Variants in OTUD7A observed in about 807,000 individuals in gnomAD.
OTUD7A encodes the protein OTU domain-containing protein 7A.
Under a neutral mutation model 65.7 loss-of-function variants are expected in OTUD7A, and 12 were observed. The observed-to-expected ratio is 0.18, with a 90% CI of 0.12 to 0.30. OTUD7A has a LOEUF of 0.30. Ranked by LOEUF, OTUD7A falls within the 10% of genes least tolerant of loss-of-function variation. The pLI is 1.00. For missense variants in OTUD7A, 1,148 were observed against 1,304.8 expected, an observed-to-expected ratio of 0.88 and a Z score of 1.85; for synonymous variants, 641 against 586.3, an observed-to-expected ratio of 1.09 and a Z score of -1.35.
chr15:31,795,819 T>C (rs980843048), intron 1 of OTUD7A, among the ~76,000 whole-genome samples: 11 of 152,144 alleles, frequency 7.2e-5, no homozygotes, highest in Admixed American at 3.3e-4. Context: ...TTCCTCTTTG[T>C]AAAGTGAGGA....
At chr15:31,724,899 G>A (rs1193101563) in intron 1 of OTUD7A, among the ~76,000 whole-genome samples, 2 of 152,092 alleles carry the variant, frequency 1.3e-5, no homozygotes, top group Non-Finnish European at 2.9e-5. Flanking sequence ...GCAGGGGTGG[G>A]GGGCACGAAA....
intron 1 of OTUD7A, among the ~76,000 whole-genome samples, chr15:31,744,845 C>T (rs555064640): frequency 1.8e-4 from 27 of 151,784 alleles, no homozygotes; most frequent in Admixed American, 5.2e-4. Flanking sequence ...GGTCAATATG[C>T]CAAAAACATC....
intron 1 of OTUD7A, among the ~76,000 whole-genome samples, chr15:31,830,757 G>A (rs1235305776): frequency 3.3e-5 from 5 of 152,212 alleles, no homozygotes; most frequent in Admixed American, 1.3e-4. Flanking sequence ...CTATGTGTAT[G>A]CTGTGCCTGA....
chr15:31,760,353 A>G (rs926903275), intron 1 of OTUD7A, among the ~76,000 whole-genome samples: 2 of 152,174 alleles, frequency 1.3e-5, no homozygotes, highest in African/African-American at 4.8e-5. Flanking sequence ...TTAAAAATCA[A>G]CTTCATATCT....
rs181970211 is a variant in OTUD7A, at chr15:31,801,020, C to T, written c.-100+69487G>A. Among the ~76,000 whole-genome samples, 706 of 146,658 alleles carry T rather than the reference C, an allele frequency of 4.8e-3. 6 individuals are homozygous for T. The highest frequency in any genetic ancestry group is 0.01 in the Middle Eastern group (3 of 288). ...AACAACAACCTACAGAAAATACACACGCAGCTTAATGTAGAGCATTATCCA... is the reference window on the plus strand; with the variant it reads ...AACAACAACCTACAGAAAATACACATGCAGCTTAATGTAGAGCATTATCCA... On this transcript the variant is annotated intron_variant, in intron 1 of 12. Transcript: ENST00000307050.
chr15:31,705,232 C>CA (rs1465757474), intron 1 of OTUD7A, among the ~76,000 whole-genome samples: 3 of 123,880 alleles, frequency 2.4e-5, no homozygotes, highest in African/African-American at 9.1e-5. Context: ...TTGCACTGGC[C>CA]AAGAAATGAA....
At chr15:31,756,229 T>C (rs952386046) in intron 1 of OTUD7A, among the ~76,000 whole-genome samples, 1 of 152,258 alleles carries the variant, frequency 6.6e-6, no homozygotes, top group African/African-American at 2.4e-5. Context: ...TTTTACAGTG[T>C]ATCTTTCTTT....
chr15:31,640,196 A>G lies in OTUD7A; in HGVS notation c.151+14900T>C, dbSNP rs561929519. ...TCAGGAATGGAAAACCAAACATCGT[A>G]TGTTCTGACTTATAAGTGGCAGCTA... On this transcript the variant is annotated intron_variant, in intron 3 of 12. Coordinates refer to ENST00000307050, the MANE Select transcript of OTUD7A (RefSeq NM_001382637.1). 2.6e-5 allele frequency among the ~76,000 whole-genome samples: 4 copies of G among 152,278 alleles called. No individual in the cohort carries two copies. The South Asian group carries it at 8.3e-4, about 32-fold the overall frequency.
At chr15:31,678,801 GC>G (rs756151916) in intron 1 of OTUD7A, among the ~76,000 whole-genome samples, 13 of 152,232 alleles carry the variant, frequency 8.5e-5, no homozygotes, top group Non-Finnish European at 1.8e-4. Flanking sequence ...TGGGGTCACA[GC>G]CCCCACACAA....
rs925674482 is a variant in OTUD7A at position 31,479,127 on chromosome 15, G to A, written c.*4167C>T. ...GAGAGCCACCACTTTAAGGCGTTTTGGAAGGGGCCACCTGCTCCCTGGCAT... is the reference window on the plus strand; with the variant it reads ...GAGAGCCACCACTTTAAGGCGTTTTAGAAGGGGCCACCTGCTCCCTGGCAT... On this transcript the variant is annotated 3_prime_UTR_variant, in exon 13 of 13. Coordinates refer to ENST00000307050, the MANE Select transcript of OTUD7A (RefSeq NM_001382637.1). 6.6e-6 allele frequency: 1 copy of A among 152,214 alleles called. No homozygotes were observed. Among genetic ancestry groups the A allele is most frequent in the African/African-American group, 2.4e-5 (1 of 41,434 alleles). The allele number at this position is 152,214 out of a possible 1,614,324, so 9.4% of individuals were successfully genotyped here.
intron 1 of OTUD7A, among the ~76,000 whole-genome samples, chr15:31,700,419 C>A (rs1893187895): frequency 6.6e-6 from 1 of 151,940 alleles, no homozygotes; most frequent in Non-Finnish European, 1.5e-5. Context: ...ACCAAACCTG[C>A]CTTCCTTGCA....
intron 1 of OTUD7A, among the ~76,000 whole-genome samples, chr15:31,865,903 T>C (rs1897864127): frequency 2.0e-5 from 3 of 152,222 alleles, no homozygotes; most frequent in Admixed American, 2.0e-4. Flanking sequence ...TAAAAGTCAA[T>C]ACTGCATCTT....
chr15:31,755,979 C>T (rs943840818), intron 1 of OTUD7A, among the ~76,000 whole-genome samples: 3 of 152,260 alleles, frequency 2.0e-5, no homozygotes, highest in South Asian at 2.1e-4. Context: ...TCTGCAAAGG[C>T]GTATCATGAG....
intron 5 of OTUD7A, among the ~76,000 whole-genome samples, chr15:31,539,093 G>A (rs1226470980): frequency 6.6e-6 from 1 of 152,148 alleles, no homozygotes; most frequent in African/African-American, 2.4e-5. Context: ...TCTTCTTTAA[G>A]ACTTCTGACT....
At chr15:31,828,396 C>T (rs1896851227) in intron 1 of OTUD7A, among the ~76,000 whole-genome samples, 1 of 151,980 alleles carries the variant, frequency 6.6e-6, no homozygotes, top group African/African-American at 2.4e-5. Context: ...ATGTTTACAT[C>T]GTGTAATGTT....
chr15:31,850,074 G>A (rs1472376273), intron 1 of OTUD7A, among the ~76,000 whole-genome samples: 1 of 151,758 alleles, frequency 6.6e-6, no homozygotes, highest in Admixed American at 6.5e-5. Context: ...TAAACCCAAA[G>A]GATTATAAAT....
chr15:31,552,601 G>A (rs189143015), intron 5 of OTUD7A, among the ~76,000 whole-genome samples: 3 of 152,254 alleles, frequency 2.0e-5, no homozygotes, highest in Non-Finnish European at 4.4e-5. Flanking sequence ...CGACGTCACA[G>A]AGGAGAGCCT....
At chr15:31,620,417 G>C (rs1229945762) in intron 3 of OTUD7A, among the ~76,000 whole-genome samples, 1 of 151,900 alleles carries the variant, frequency 6.6e-6, no homozygotes, top group Non-Finnish European at 1.5e-5. Flanking sequence ...TTGGTTGGTA[G>C]GCTATTCATT....
At chr15:31,640,516 T>A (rs1376064577) in intron 3 of OTUD7A, among the ~76,000 whole-genome samples, 1 of 152,240 alleles carries the variant, frequency 6.6e-6, no homozygotes, top group Non-Finnish European at 1.5e-5. Flanking sequence ...TTAAGGTAAT[T>A]TTTGCATATG....
Sources: allele counts gnomAD v4.1 joint callset (sites outside exome capture counted in the v4.1 genomes callset), GRCh38; gene constraint gnomAD v4.1.1; transcripts MANE v1.5; gene names NCBI Gene and HGNC (gene_info 2026-07-23, HGNC 2026-07-21).